Variants in NFIL3 observed in about 807,000 individuals in gnomAD.
NFIL3 encodes nuclear factor, interleukin 3 regulated, also known as nuclear factor interleukin-3-regulated protein.
NFIL3 carries 5 observed loss-of-function variants against 10.0 expected under a neutral mutation model. The ratio of observed to expected loss-of-function variants is 0.50; its 90% CI spans 0.26 to 1.06. The LOEUF (loss-of-function observed/expected upper bound fraction) is 1.06, where lower values mean the gene tolerates loss of function less well. Ranked by LOEUF, NFIL3 falls within the 50% of genes least tolerant of loss-of-function variation. NFIL3 has a pLI of 0.13. For missense variants in NFIL3, 436 were observed against 547.6 expected (o/e 0.80, Z 2.03); for synonymous variants, 202 against 206.5 (o/e 0.98, Z 0.19).
At chr9:91,443,121 C>T in the NFIL3 span, among the ~76,000 whole-genome samples, 1 of 152,130 alleles carries the variant, frequency 6.6e-6, no homozygotes, top group Non-Finnish European at 1.5e-5. Context: ...AGAGGAGACC[C>T]ACAGTGGGTA....
At position 91,409,318 on chromosome 9, in the gene NFIL3, A is replaced by C. The variant is rs1285571059; in HGVS notation, c.*28T>G. The stretch of plus-strand genomic sequence containing the variant: ...GCTCTATTGCAAATGACATCTTTCT[A>C]AATGCCCAGCTCTTACTCAGTAGTA... On this transcript the variant is annotated 3_prime_UTR_variant, in exon 2 of 2. Coordinates refer to ENST00000297689, the MANE Select transcript of NFIL3 (RefSeq NM_005384.3). 2 of 1,524,354 alleles carry C rather than the reference A, an allele frequency of 1.3e-6. No homozygotes were observed. The highest frequency in any genetic ancestry group is 4.5e-5 in the East Asian group (2 of 44,148). The allele number at this position is 1,524,354 out of a possible 1,614,324, so 94.4% of individuals were successfully genotyped here. A position where few individuals can be genotyped will look rare whatever the true frequency, so the allele number is the denominator to read the frequency against.
chr9:91,439,469 CT>C, the NFIL3 span, among the ~76,000 whole-genome samples: 2 of 149,046 alleles, frequency 1.3e-5, no homozygotes, highest in Non-Finnish European at 3.0e-5. Context: ...AATAGAGATA[CT>C]TTTTCTTTCC....
the NFIL3 span, among the ~76,000 whole-genome samples, chr9:91,460,197 CA>C: frequency 6.6e-6 from 1 of 150,496 alleles, no homozygotes; most frequent in Non-Finnish European, 1.5e-5. Context: ...AGTGAGGGAC[CA>C]GGGGAGTGAG....
the NFIL3 span, among the ~76,000 whole-genome samples, chr9:91,455,986 A>G: frequency 6.6e-6 from 1 of 152,178 alleles, no homozygotes; most frequent in Non-Finnish European, 1.5e-5. Flanking sequence ...GTTTTCTGTC[A>G]TTGGAGATTA....
chr9:91,415,907 G>GT (rs1833645517), intron 1 of NFIL3, among the ~76,000 whole-genome samples: 1 of 152,174 alleles, frequency 6.6e-6, no homozygotes, highest in Admixed American at 6.5e-5. Flanking sequence ...GATTACAGGC[G>GT]TGAGCCGTCA....
chr9:91,441,227 G>A, the NFIL3 span, among the ~76,000 whole-genome samples: 2 of 152,070 alleles, frequency 1.3e-5, no homozygotes, highest in Non-Finnish European at 2.9e-5. Context: ...ATGTCCTCTT[G>A]ATGAATTGAT....
At chr9:91,449,585 T>C in the NFIL3 span, among the ~76,000 whole-genome samples, 2 of 152,168 alleles carry the variant, frequency 1.3e-5, no homozygotes, top group African/African-American at 2.4e-5. Flanking sequence ...ATTTTTTTAA[T>C]GTGCCATTCA....
chr9:91,481,528 AC>A, the NFIL3 span, among the ~76,000 whole-genome samples: 1 of 152,110 alleles, frequency 6.6e-6, no homozygotes, highest in Non-Finnish European at 1.5e-5. Flanking sequence ...ATTAAATTAC[AC>A]CCTTAATATT....
At chr9:91,425,187 T>C (rs909948228), upstream of NFIL3, among the ~76,000 whole-genome samples, 5 of 152,302 alleles carry the variant, frequency 3.3e-5, no homozygotes, top group African/African-American at 1.2e-4. Context: ...TTTCCACTTC[T>C]TTTTGCTCCT....
rs368413458 is a variant in NFIL3, at chr9:91,410,398, C to T, written c.337G>A (p.Ala113Thr). The T allele has an allele frequency of 1.6e-4, 263 of 1,613,494 alleles. No homozygotes were observed. The highest frequency in any genetic ancestry group is 2.2e-4 in the Non-Finnish European group (256 of 1,179,878). The change falls in exon 2 of 2, where the codon GCC becomes ACC. Residue 113 changes from alanine (A) to threonine (T), a missense_variant. Coordinates refer to ENST00000297689, the MANE Select transcript of NFIL3 (RefSeq NM_005384.3). The surrounding 1 kb of genome is among the most constrained non-coding windows in gnomAD (Gnocchi z 5.7). ...GAAAGCAGCTCAGCTTTTAAAGTGG[C>T]GTTTTCTTCTCCCAGTGCAATTAGT... is the stretch of plus-strand genomic sequence containing the variant. ...NKLIALGEEN[A>T]TLKAELLSLK...
At position 91,410,769 on chromosome 9, in the gene NFIL3, G is replaced by C; in HGVS notation, c.-35C>G. The stretch of plus-strand genomic sequence containing the variant: ...CCTTACCCTATCTATGTGTGTAGGA[G>C]AACAAATTAATTTCCCCGTATTCTC... On this transcript the variant is annotated 5_prime_UTR_variant, in exon 2 of 2. Transcript: ENST00000297689. The surrounding 1 kb of genome is among the most constrained non-coding windows in gnomAD (Gnocchi z 5.7). 1.3e-6 allele frequency: 2 copies of C among 1,516,050 alleles called. No homozygotes were observed. The highest frequency in any genetic ancestry group is 1.8e-6 in the Non-Finnish European group (2 of 1,135,252). 93.9% of individuals were successfully genotyped at this position (1,516,050 alleles called of 1,614,324 possible).
At chr9:91,451,237 A>G in the NFIL3 span, among the ~76,000 whole-genome samples, 1 of 152,044 alleles carries the variant, frequency 6.6e-6, no homozygotes, top group African/African-American at 2.4e-5. Flanking sequence ...TTTACTTTGT[A>G]TGCTGCTAGA....
the NFIL3 span, among the ~76,000 whole-genome samples, chr9:91,467,487 A>C: frequency 2.0e-5 from 3 of 152,130 alleles, no homozygotes; most frequent in African/African-American, 7.2e-5. Flanking sequence ...GCCTTGCTAT[A>C]ATCACTTATT....
the NFIL3 span, among the ~76,000 whole-genome samples, chr9:91,442,397 C>G: frequency 6.6e-6 from 1 of 152,168 alleles, no homozygotes; most frequent in South Asian, 2.1e-4. Context: ...TGTCACTTCA[C>G]CAGCCAGAAA....
chr9:91,442,475 A>G, the NFIL3 span, among the ~76,000 whole-genome samples: 1 of 152,120 alleles, frequency 6.6e-6, no homozygotes, highest in Non-Finnish European at 1.5e-5. Context: ...CTGCCCACTC[A>G]GCCCAGCAGG....
the NFIL3 span, among the ~76,000 whole-genome samples, chr9:91,448,362 C>T: frequency 2.6e-5 from 4 of 152,052 alleles, no homozygotes; most frequent in South Asian, 2.1e-4. Context: ...AAAGCAGAAG[C>T]GGAGTACGTG....
the NFIL3 span, among the ~76,000 whole-genome samples, chr9:91,476,606 A>G: frequency 6.6e-6 from 1 of 152,090 alleles, no homozygotes; most frequent in South Asian, 2.1e-4. Flanking sequence ...TTGTCTATTT[A>G]TGGAAATGCA....
upstream of NFIL3, among the ~76,000 whole-genome samples, chr9:91,424,035 C>T (rs552627869): frequency 6.7e-6 from 1 of 149,932 alleles, no homozygotes; most frequent in African/African-American, 2.4e-5. Flanking sequence ...GCGCCACTAC[C>T]AGCTCGCGTC....
the NFIL3 span, among the ~76,000 whole-genome samples, chr9:91,445,798 G>T: frequency 2.8e-3 from 423 of 152,260 alleles, 2 homozygotes; most frequent in Middle Eastern, 0.01. Flanking sequence ...GACCCTGAGG[G>T]CAGGGTGCTC....
Sources: allele counts gnomAD v4.1 joint callset (sites outside exome capture counted in the v4.1 genomes callset), GRCh38; gene constraint gnomAD v4.1.1; non-coding constraint Gnocchi (gnomAD v3.1); transcripts MANE v1.5; gene names NCBI Gene and HGNC (gene_info 2026-07-23, HGNC 2026-07-21).